The following NAV2 variants were observed in gnomAD, a reference collection of about 807,000 sequenced individuals.
The protein encoded by NAV2 is helicase, APC down-regulated 1.
A neutral mutation model predicts 223.2 loss-of-function variants in NAV2; 54 were observed. The ratio of observed to expected loss-of-function variants is 0.24; its 90% CI spans 0.19 to 0.30. NAV2 has a LOEUF of 0.30. Ranked by LOEUF, NAV2 falls within the 10% of genes least tolerant of loss-of-function variation. The probability of loss-of-function intolerance (pLI) is 1.00; values close to 1 mark genes in which losing one functional copy is unlikely to be tolerated. For missense variants in NAV2, 2,806 were observed against 3,147.5 expected (o/e 0.89, Z 2.60); for synonymous variants, 1,279 against 1,239.3 (o/e 1.03, Z -0.67).
intron 1 of NAV2, among the ~76,000 whole-genome samples, chr11:19,826,190 T>C (rs758963051): frequency 1.1e-4 from 16 of 152,218 alleles, no homozygotes; most frequent in Non-Finnish European, 1.6e-4. Context: ...CTGTTCTTTG[T>C]CCAATCAGTT....
At chr11:19,734,043 A>G (rs1255559096) in intron 1 of NAV2, among the ~76,000 whole-genome samples, 2 of 152,178 alleles carry the variant, frequency 1.3e-5, no homozygotes, top group African/African-American at 4.8e-5. Context: ...TAAGGGTCTG[A>G]AATAGTGGTG....
chr11:19,877,559 G>T (rs932384973), intron 4 of NAV2, among the ~76,000 whole-genome samples: 1 of 145,228 alleles, frequency 6.9e-6, no homozygotes, highest in East Asian at 2.1e-4. Context: ...TGCAAGCTCC[G>T]CCTCCCGGGT....
At position 19,897,886 on chromosome 11, in the gene NAV2, T is replaced by TTTTATATATATATATATATA. The variant is rs144642336; in HGVS notation, c.931+5293_931+5294insTTATATATATATATATATAT. ...GCCACAGCTGTGCCTGACCTGTGAT[T>TTTTATATATATATATATATA]TATATATATATATATATATGTGAGC... On this transcript the variant is annotated intron_variant, in intron 6 of 37. Coordinates refer to ENST00000349880, the MANE Select transcript of NAV2 (RefSeq NM_145117.5). Among the ~76,000 whole-genome samples, 4 of 120,686 alleles carry TTTTATATATATATATATATA rather than the reference T, an allele frequency of 3.3e-5. No homozygotes were observed. In the South Asian group the frequency reaches 9.5e-4, roughly 29 times the overall value. The allele number at this position is 120,686 out of a possible 152,430, so 79.2% of individuals were successfully genotyped here. A position where few individuals can be genotyped will look rare whatever the true frequency, so the allele number is the denominator to read the frequency against.
At chr11:19,476,863 C>T (rs914099206) in intron 1 of NAV2, among the ~76,000 whole-genome samples, 5 of 152,218 alleles carry the variant, frequency 3.3e-5, no homozygotes, top group Non-Finnish European at 7.3e-5. Flanking sequence ...GTACTTAGCC[C>T]TGGGTCAGGG....
intron 4 of NAV2, among the ~76,000 whole-genome samples, chr11:19,877,731 C>T (rs1169755310): frequency 6.6e-6 from 1 of 152,038 alleles, no homozygotes; most frequent in Non-Finnish European, 1.5e-5. Context: ...CTCGGCCTCC[C>T]AAAGTGCTGG....
intron 1 of NAV2, among the ~76,000 whole-genome samples, chr11:19,782,487 A>G (rs543749045): frequency 6.6e-6 from 1 of 152,280 alleles, no homozygotes; most frequent in African/African-American, 2.4e-5. Flanking sequence ...TACATTACTT[A>G]TGCAATTGTT....
At chr11:20,008,843 A>G (rs1054436244) in intron 11 of NAV2, among the ~76,000 whole-genome samples, 61 of 152,306 alleles carry the variant, frequency 4.0e-4, no homozygotes, top group African/African-American at 1.4e-3. Flanking sequence ...ATGTTTTGAA[A>G]TAGAATAATG....
intron 1 of NAV2, among the ~76,000 whole-genome samples, chr11:19,807,697 G>A (rs2058648086): frequency 6.6e-6 from 1 of 152,194 alleles, no homozygotes; most frequent in South Asian, 2.1e-4. Flanking sequence ...TGACCCCACT[G>A]AAGTTCTCAC....
intron 1 of NAV2, among the ~76,000 whole-genome samples, chr11:19,593,257 T>G (rs1168056536): frequency 6.6e-6 from 1 of 152,242 alleles, no homozygotes; most frequent in Non-Finnish European, 1.5e-5. Context: ...TATGTGACCT[T>G]TTAAGCTTGG....
chr11:19,802,022 G>A (rs7943850), intron 1 of NAV2, among the ~76,000 whole-genome samples: 1 of 152,144 alleles, frequency 6.6e-6, no homozygotes. Context: ...CCAAAGCTTT[G>A]TTCTATGAAG....
intron 10 of NAV2, among the ~76,000 whole-genome samples, chr11:19,965,501 G>T (rs1030323857): frequency 3.9e-5 from 6 of 152,004 alleles, no homozygotes; most frequent in African/African-American, 1.4e-4. Context: ...CTCTTACTAT[G>T]GTTTTTCTCT....
chr11:19,698,390 C>T (rs1416123094), intron 1 of NAV2, among the ~76,000 whole-genome samples: 1 of 152,194 alleles, frequency 6.6e-6, no homozygotes, highest in Non-Finnish European at 1.5e-5. Context: ...ATTCTAGATC[C>T]CCGTGGGCCC....
rs543456320 is a variant in NAV2, at chr11:20,110,723, G to C, written c.6960+2941G>C. 9.9e-5 allele frequency among the ~76,000 whole-genome samples: 15 copies of C among 152,182 alleles called. No individual in the cohort carries two copies. The South Asian group carries it at 2.5e-3, about 25-fold the overall frequency. Reference sequence around the variant, plus strand: ...TCCCTATGATTTCATTTGACAAAAGGATTCCTTTATTTTTAAAAAATTAAA... The same window carrying C: ...TCCCTATGATTTCATTTGACAAAAGCATTCCTTTATTTTTAAAAAATTAAA... On this transcript the variant is annotated intron_variant, in intron 36 of 37. Coordinates refer to ENST00000349880, the MANE Select transcript of NAV2 (RefSeq NM_145117.5).
At chr11:20,067,644 A>ATTT (rs11371990) in intron 20 of NAV2, among the ~76,000 whole-genome samples, 103 of 129,244 alleles carry the variant, frequency 8.0e-4, no homozygotes, top group African/African-American at 2.6e-3. Flanking sequence ...CACCCGGCTA[A>ATTT]TTTTTTTTTT....
intron 10 of NAV2, among the ~76,000 whole-genome samples, chr11:19,968,957 G>A (rs535378071): frequency 2.4e-4 from 36 of 152,176 alleles, no homozygotes; most frequent in African/African-American, 7.9e-4. Context: ...TGGGTTGCCT[G>A]GGTGCTTGGC....
chr11:19,978,714 G>A (rs924744907), intron 10 of NAV2: 2 of 145,980 alleles, frequency 1.4e-5, no homozygotes, highest in African/African-American at 2.5e-5. Flanking sequence ...AGAGCAAGTC[G>A]GTACGTATTT....
intron 1 of NAV2, among the ~76,000 whole-genome samples, chr11:19,818,433 A>G (rs1180786997): frequency 6.6e-6 from 1 of 151,932 alleles, no homozygotes; most frequent in Non-Finnish European, 1.5e-5. Context: ...ATTATTATAT[A>G]GTATTTCCCT....
At chr11:20,048,194 A>G (rs2057645885) in intron 14 of NAV2, among the ~76,000 whole-genome samples, 1 of 152,202 alleles carries the variant, frequency 6.6e-6, no homozygotes, top group Non-Finnish European at 1.5e-5. Context: ...TCTATTGTGG[A>G]TAAATCTCTG....
At chr11:19,452,107 A>AGTGTGTGTGTGT (rs60628637) in intron 1 of NAV2, among the ~76,000 whole-genome samples, 1 of 146,654 alleles carries the variant, frequency 6.8e-6, no homozygotes, top group Non-Finnish European at 1.5e-5. Flanking sequence ...AGGTTACAAA[A>AGTGTGTGTGTGT]GTGTGTGTGT....
Sources: gnomAD v4.1 joint callset for allele counts (sites outside exome capture counted in the v4.1 genomes callset) on GRCh38, gnomAD v4.1.1 for gene constraint, MANE v1.5 for transcripts, NCBI Gene and HGNC (gene_info 2026-07-23, HGNC 2026-07-21) for gene names.